GSKIP: variants seen among roughly 807,000 people sequenced by gnomAD.
The protein encoded by GSKIP is GSK3B-interacting protein.
A neutral mutation model predicts 11.9 loss-of-function variants in GSKIP; 5 were observed. The ratio of observed to expected loss-of-function variants is 0.42; its 90% CI spans 0.22 to 0.89. The LOEUF (loss-of-function observed/expected upper bound fraction) is 0.89, where lower values mean the gene tolerates loss of function less well. Ranked by LOEUF, GSKIP falls within the 40% of genes least tolerant of loss-of-function variation. GSKIP has a pLI of 0.29. For synonymous variants in GSKIP, 70 were observed against 62.9 expected, an observed-to-expected ratio of 1.11 and a Z score of -0.54; for missense variants, 150 against 166.6, an observed-to-expected ratio of 0.90 and a Z score of 0.55.
intron 1 of GSKIP, chr14:96,365,390 G>A (rs957968161): frequency 2.7e-5 from 4 of 148,594 alleles, no homozygotes; most frequent in African/African-American, 9.9e-5. Context: ...CAAGTGCAAC[G>A]CCCTGTCACG....
rs977740056 is a variant in GSKIP, at chr14:96,386,448, G to A, written c.*764G>A. The A allele has an allele frequency of 3.9e-5, 6 of 152,584 alleles. No individual in the cohort carries two copies. The highest frequency in any genetic ancestry group is 9.6e-5 in the African/African-American group (4 of 41,458). The allele number at this position is 152,584 out of a possible 1,614,324, so 9.5% of individuals were successfully genotyped here. A position where few individuals can be genotyped will look rare whatever the true frequency, so the allele number is the denominator to read the frequency against. ...TAACAAAAAAGCATCTTCAGTGTGT[G>A]ATTTAAAAGAAAGAAGATTCTGGTT... is the stretch of plus-strand genomic sequence containing the variant. On this transcript the variant is annotated 3_prime_UTR_variant, in exon 4 of 4. Transcript: ENST00000555181.
At chr14:96,376,555 C>G (rs1381468498) in intron 1 of GSKIP, among the ~76,000 whole-genome samples, 3 of 152,278 alleles carry the variant, frequency 2.0e-5, no homozygotes, top group Middle Eastern at 3.4e-3. Context: ...GATGAGACCT[C>G]CGTAAGACCA....
At chr14:96,369,137 C>A (rs1172853554) in intron 1 of GSKIP, among the ~76,000 whole-genome samples, 1 of 152,154 alleles carries the variant, frequency 6.6e-6, no homozygotes, top group African/African-American at 2.4e-5. Flanking sequence ...GCCTCCATAC[C>A]CTAGGGCTTT....
intron 1 of GSKIP, among the ~76,000 whole-genome samples, chr14:96,367,289 T>C (rs1888912985): frequency 6.6e-6 from 1 of 152,192 alleles, no homozygotes; most frequent in Non-Finnish European, 1.5e-5. Flanking sequence ...TTTTTCCAAG[T>C]CCCAGAGTAA....
At position 96,382,370 on chromosome 14, in the gene GSKIP, A is replaced by C. The variant is rs376593860; in HGVS notation, c.123A>C (p.Val41=). The change falls in exon 3 of 4, where the codon GTA becomes GTC. Residue 41 remains valine (V), a synonymous_variant. Coordinates refer to ENST00000555181, the MANE Select transcript of GSKIP (RefSeq NM_016472.5). ...TGAGGCTCGAAGCTGAAGCAGTTGT[A>C]AATGATGTTCTCTTTGCTGTTAACA... ...KDMRLEAEAV[V]NDVLFAVNNM... is the part of the protein sequence containing the mutation. 47 of 1,613,970 alleles carry C rather than the reference A, an allele frequency of 2.9e-5. No homozygotes were observed. The Admixed American group carries it at 7.8e-4, about 27-fold the overall frequency.
rs144217488 is a variant in GSKIP, at chr14:96,375,495, G to A, written c.-102-4193G>A. On this transcript the variant is annotated intron_variant, in intron 1 of 3. Coordinates refer to ENST00000555181, the MANE Select transcript of GSKIP (RefSeq NM_016472.5). ...GTTGCCCCGGCTAGAGTACAGTGGC[G>A]CAATCTCGGCTCACTGCAACCTCCG... Among the ~76,000 whole-genome samples, 297 of 150,042 alleles carry A rather than the reference G, an allele frequency of 2.0e-3. 3 individuals are homozygous for A. Among genetic ancestry groups the A allele is most frequent in the African/African-American group, 6.9e-3 (281 of 40,722 alleles).
Position 96,385,574 on chromosome 14 carries a change from C to A in GSKIP, c.310C>A (p.His104Asn). 2 of 1,612,532 alleles carry A rather than the reference C, an allele frequency of 1.2e-6. No individual in the cohort carries two copies. Among genetic ancestry groups the A allele is most frequent in the Non-Finnish European group, 1.7e-6 (2 of 1,179,006 alleles). Residue 104 changes from histidine (H) to asparagine (N), a missense_variant, in exon 4 of 4, where the codon CAT (histidine) becomes AAT (asparagine). By Grantham distance (68) the His-to-Asn change is moderately conservative. Transcript: ENST00000555181. ...AGATGATCATTTACAGACTCCCTACCATGAAACAGTCTACTCCTTGTTGGA... is the reference window on the plus strand; with the variant it reads ...AGATGATCATTTACAGACTCCCTACAATGAAACAGTCTACTCCTTGTTGGA... ...QVDDHLQTPY[H>N]ETVYSLLDTL... is the part of the protein sequence containing the mutation.
chr14:96,381,722 T>C (rs972203127), intron 2 of GSKIP, among the ~76,000 whole-genome samples: 3 of 152,208 alleles, frequency 2.0e-5, no homozygotes, highest in South Asian at 2.1e-4. Context: ...CCTCTTAAAT[T>C]GGCAAAAATT....
intron 3 of GSKIP, among the ~76,000 whole-genome samples, chr14:96,384,146 G>C (rs568173317): frequency 6.6e-6 from 1 of 152,292 alleles, no homozygotes; most frequent in South Asian, 2.1e-4. Context: ...TGTAGTAGGT[G>C]CTCAAATATT....
intron 3 of GSKIP, chr14:96,384,759 A>T (rs1889443127): frequency 6.6e-6 from 1 of 152,138 alleles, no homozygotes. Flanking sequence ...CTCTTGCTCC[A>T]TTAACTTCAC....
chr14:96,373,691 C>T (rs974921749), intron 1 of GSKIP, among the ~76,000 whole-genome samples: 2 of 151,884 alleles, frequency 1.3e-5, no homozygotes, highest in African/African-American at 2.4e-5. Flanking sequence ...TAGAAACCCT[C>T]GTAATTCATA....
At chr14:96,374,637 G>A (rs923794505) in intron 1 of GSKIP, among the ~76,000 whole-genome samples, 1 of 152,104 alleles carries the variant, frequency 6.6e-6, no homozygotes, top group Non-Finnish European at 1.5e-5. Flanking sequence ...AAATAGCCGG[G>A]ACTGCAGGTG....
chr14:96,369,218 A>G (rs1038416339), intron 1 of GSKIP, among the ~76,000 whole-genome samples: 8 of 152,250 alleles, frequency 5.3e-5, no homozygotes, highest in African/African-American at 1.9e-4. Context: ...AAAGGGTTCA[A>G]GAAGTGGCGT....
At chr14:96,382,546 C>G in intron 3 of GSKIP, 41 bp downstream of exon 3, 1 of 1,480,798 alleles carries the variant, frequency 6.8e-7, no homozygotes, top group Non-Finnish European at 9.2e-7. Context: ...TTATTTATGT[C>G]TTTACCACTT....
At chr14:96,373,477 C>G (rs1301240280) in intron 1 of GSKIP, among the ~76,000 whole-genome samples, 1 of 151,856 alleles carries the variant, frequency 6.6e-6, no homozygotes, top group African/African-American at 2.4e-5. Context: ...TATGCATAGA[C>G]TCAAAAAGGA....
chr14:96,378,082 G>T (rs1367008543), intron 1 of GSKIP, among the ~76,000 whole-genome samples: 1 of 152,144 alleles, frequency 6.6e-6, no homozygotes, highest in Non-Finnish European at 1.5e-5. Context: ...ATGGCCAAGC[G>T]CAGTGGCTCA....
At chr14:96,373,770 G>T (rs982243177) in intron 1 of GSKIP, among the ~76,000 whole-genome samples, 1 of 152,116 alleles carries the variant, frequency 6.6e-6, no homozygotes, top group East Asian at 1.9e-4. Context: ...GAGATTAAAC[G>T]CAGATCTTGT....
chr14:96,383,324 C>T (rs1889400665), intron 3 of GSKIP, among the ~76,000 whole-genome samples: 1 of 151,536 alleles, frequency 6.6e-6, no homozygotes, highest in African/African-American at 2.4e-5. Flanking sequence ...AGGAGGGGGC[C>T]TATGAGTTCG....
intron 2 of GSKIP, among the ~76,000 whole-genome samples, chr14:96,380,813 G>C (rs1026595377): frequency 1.3e-5 from 2 of 152,184 alleles, no homozygotes; most frequent in African/African-American, 4.8e-5. Context: ...AGTGCACAGT[G>C]ATCACACCTG....
Sources: gnomAD v4.1 joint callset for allele counts (sites outside exome capture counted in the v4.1 genomes callset) on GRCh38, gnomAD v4.1.1 for gene constraint, MANE v1.5 for transcripts, NCBI Gene and HGNC (gene_info 2026-07-23, HGNC 2026-07-21) for gene names.